DYSF: variants seen among roughly 807,000 people sequenced by gnomAD.
DYSF encodes the protein dysferlin.
A neutral mutation model predicts 274.9 loss-of-function variants in DYSF; 212 were observed. The ratio of observed to expected loss-of-function variants is 0.77; its 90% CI spans 0.69 to 0.86. The LOEUF is 0.86. Ranked by LOEUF, DYSF falls within the 40% of genes least tolerant of loss-of-function variation. The pLI, the probability that DYSF is intolerant of heterozygous loss-of-function variation, is 0.00. For missense variants in DYSF, 2,666 were observed against 2,783.2 expected (o/e 0.96, Z 0.95); for synonymous variants, 1,091 against 1,078.7 (o/e 1.01, Z -0.22).
chr2:71,515,445 G>T (rs1036532997), intron 7 of DYSF, among the ~76,000 whole-genome samples, 178 bp from the exon 8 acceptor site: 7 of 152,152 alleles, frequency 4.6e-5, no homozygotes. Flanking sequence ...ATAGATGTAA[G>T]GGGCCTTGGT....
intron 51 of DYSF, among the ~76,000 whole-genome samples, chr2:71,672,910 C>T (rs1458345984): frequency 6.6e-6 from 1 of 152,218 alleles, no homozygotes; most frequent in Non-Finnish European, 1.5e-5. Context: ...GGCAGCAGTC[C>T]AGGCCGTGGC....
At chr2:71,619,991 G>A (rs970824415) in intron 40 of DYSF, among the ~76,000 whole-genome samples, 1 of 152,164 alleles carries the variant, frequency 6.6e-6, no homozygotes, top group Non-Finnish European at 1.5e-5. Context: ...AGTGGAGGTG[G>A]GACTATAAGA....
chr2:71,587,840 T>C (rs905233582), intron 30 of DYSF, among the ~76,000 whole-genome samples: 4 of 152,238 alleles, frequency 2.6e-5, no homozygotes, highest in Middle Eastern at 3.4e-3. Context: ...TGTCCTGTGG[T>C]GGAAGTCAGA....
chr2:71,482,050 G>C, intron 3 of DYSF, 80 bp downstream of exon 3: 1 of 1,158,528 alleles, frequency 8.6e-7, no homozygotes, highest in Non-Finnish European at 1.3e-6. Context: ...AGAATCCCAG[G>C]CCCCAGGGAG....
At chr2:71,646,526 G>A (rs918922430) in intron 42 of DYSF, among the ~76,000 whole-genome samples, 7 of 152,206 alleles carry the variant, frequency 4.6e-5, no homozygotes, top group African/African-American at 9.6e-5. Flanking sequence ...CATCACCAAC[G>A]TGGGTCTTTG....
chr2:71,647,282 A>G (rs1369152305), intron 42 of DYSF, among the ~76,000 whole-genome samples: 1 of 152,226 alleles, frequency 6.6e-6, no homozygotes, highest in East Asian at 1.9e-4. Flanking sequence ...TAAAAAATGG[A>G]GAATACATTT....
At chr2:71,487,942 G>A (rs1261663333) in intron 3 of DYSF, among the ~76,000 whole-genome samples, 1 of 152,184 alleles carries the variant, frequency 6.6e-6, no homozygotes, top group Non-Finnish European at 1.5e-5. Flanking sequence ...AGTAATAATG[G>A]CTGAAACTGC....
At chr2:71,487,709 C>T (rs1387498955) in intron 3 of DYSF, among the ~76,000 whole-genome samples, 2 of 152,102 alleles carry the variant, frequency 1.3e-5, no homozygotes, top group African/African-American at 4.8e-5. Context: ...GGGTTTCACC[C>T]TGTTGGTCAG....
rs138472236 is a variant in DYSF, at chr2:71,664,411, G to A, written c.5147G>A (p.Arg1716His). The change falls in exon 46 of 56, where the codon CGC (arginine) becomes CAC (histidine). Residue 1716 changes from arginine (R) to histidine (H), a missense_variant. Transcript: ENST00000410020. ...AGGCTGCTGTCCAAGTTTGGGGCTC[G>A]CTGTGGACTCCCACAGACCTACTGT... Reference protein sequence around the residue: ...ENRLLSKFGARCGLPQTYCVS... With the variant: ...ENRLLSKFGAHCGLPQTYCVS... 1.4e-5 allele frequency: 23 copies of A among 1,614,040 alleles called. No individual in the cohort carries two copies. The African/African-American group carries it at 1.6e-4, about 11-fold the overall frequency.
chr2:71,590,395 A>T, intron 32 of DYSF, 107 bp downstream of exon 32: 2 of 1,218,174 alleles, frequency 1.6e-6, no homozygotes, highest in Non-Finnish European at 2.4e-6. Context: ...GTGCATGGAG[A>T]TGGGTGCTGT....
rs6737427 is a variant in DYSF, at chr2:71,598,308, G to C, written c.3575-256G>C. On this transcript the variant is annotated intron_variant, in intron 32 of 55. Coordinates refer to ENST00000410020, the MANE Select transcript of DYSF (RefSeq NM_001130987.2). ...AGCAGCCACAGCTCAGGAAGCGGCAGAAAAGGGGATGCTCTCTGGATCTTG... is the reference window on the plus strand; with the variant it reads ...AGCAGCCACAGCTCAGGAAGCGGCACAAAAGGGGATGCTCTCTGGATCTTG... Among the ~76,000 whole-genome samples the C allele has an allele frequency of 0.69, 105,671 of 152,198 alleles. 38,035 individuals are homozygous for C. Among genetic ancestry groups the C allele is most frequent in the African/African-American group, 0.88 (36,768 of 41,556 alleles).
intron 32 of DYSF, among the ~76,000 whole-genome samples, chr2:71,596,613 G>GT (rs1387667023): frequency 3.3e-4 from 50 of 152,278 alleles, no homozygotes; most frequent in African/African-American, 1.2e-3. Context: ...GGCCCTGCCA[G>GT]GTCCAGTGCA....
chr2:71,625,203 C>T (rs576631600), intron 41 of DYSF, among the ~76,000 whole-genome samples: 2 of 152,172 alleles, frequency 1.3e-5, no homozygotes, highest in Admixed American at 1.3e-4. Context: ...TATATGTATT[C>T]TAGATATCTT....
chr2:71,652,664 A>G (rs554856221), intron 42 of DYSF, among the ~76,000 whole-genome samples: 59 of 152,354 alleles, frequency 3.9e-4, no homozygotes, highest in African/African-American at 1.4e-3. Flanking sequence ...AAGCCTAACA[A>G]AAATTCCAAA....
chr2:71,681,209 G>T, intron 54 of DYSF, 99 bp downstream of exon 54: 1 of 1,156,110 alleles, frequency 8.6e-7, no homozygotes. Flanking sequence ...AAGTCACAAA[G>T]CCCACGTGGC....
chr2:71,655,256 A>C (rs952996763), intron 42 of DYSF, among the ~76,000 whole-genome samples: 1 of 152,130 alleles, frequency 6.6e-6, no homozygotes, highest in African/African-American at 2.4e-5. Flanking sequence ...GACAATATTA[A>C]TTTTTAAAAA....
chr2:71,616,591 C>T (rs1185611346), intron 40 of DYSF, among the ~76,000 whole-genome samples: 3 of 152,108 alleles, frequency 2.0e-5, no homozygotes, highest in Non-Finnish European at 2.9e-5. Flanking sequence ...TGACTTTGAA[C>T]TTTCTGAGGG....
intron 32 of DYSF, among the ~76,000 whole-genome samples, chr2:71,592,506 C>T (rs1386289474): frequency 6.6e-6 from 1 of 152,238 alleles, no homozygotes; most frequent in East Asian, 1.9e-4. Context: ...AAACCCTAAA[C>T]CAAAGCAATT....
Position 71,612,896 on chromosome 2 carries a change from T to G in DYSF, c.4387+90T>G, listed in dbSNP as rs2093798255. 4.8e-6 allele frequency: 7 copies of G among 1,452,704 alleles called. No individual in the cohort carries two copies. In the Admixed American group the frequency reaches 8.5e-5, roughly 18 times the overall value. The allele number at this position is 1,452,704 out of a possible 1,614,324, so 90.0% of individuals were successfully genotyped here. ...CTAGTTGAGATGCATCCTGAAACCC[T>G]TCTCTTACGGAGACCTGAATGAGAA... On this transcript the variant is annotated intron_variant, in intron 39 of 55. Coordinates refer to ENST00000410020, the MANE Select transcript of DYSF (RefSeq NM_001130987.2).
Sources: gnomAD v4.1 joint callset for allele counts (sites outside exome capture counted in the v4.1 genomes callset) on GRCh38, gnomAD v4.1.1 for gene constraint, MANE v1.5 for transcripts, NCBI Gene and HGNC (gene_info 2026-07-23, HGNC 2026-07-21) for gene names.